Variants in SAMSN1 observed in about 807,000 individuals in gnomAD.
SAMSN1 encodes the protein SAM domain-containing protein SAMSN-1.
SAMSN1 carries 31 observed loss-of-function variants against 42.0 expected under a neutral mutation model. The observed-to-expected ratio is 0.74, with a 90% CI of 0.55 to 1.00. The LOEUF (loss-of-function observed/expected upper bound fraction) is 1.00, where lower values mean the gene tolerates loss of function less well. SAMSN1 is among the 50% of genes least tolerant of loss of function. The probability of loss-of-function intolerance (pLI) is 0.00; values close to 1 mark genes in which losing one functional copy is unlikely to be tolerated. For missense variants in SAMSN1, 464 were observed against 439.4 expected (o/e 1.06, Z -0.50); for synonymous variants, 178 against 151.9 (o/e 1.17, Z -1.26).
At chr21:14,605,429 G>C (rs1305663901) in intron 5 of SAMSN1, among the ~76,000 whole-genome samples, 1 of 152,144 alleles carries the variant, frequency 6.6e-6, no homozygotes, top group African/African-American at 2.4e-5. Flanking sequence ...ATGTAGTCTA[G>C]TTTGGCCAGA....
intron 1 of SAMSN1, among the ~76,000 whole-genome samples, chr21:14,544,086 GTT>G (rs1394403362): frequency 6.6e-6 from 1 of 152,162 alleles, no homozygotes; most frequent in Non-Finnish European, 1.5e-5. Flanking sequence ...GTCTTGCTCT[GTT>G]GCCCAGGCTG....
Position 14,655,679 on chromosome 21 carries a change from T to A in SAMSN1, c.24+3069A>T, listed in dbSNP as rs558532218. The stretch of plus-strand genomic sequence containing the variant: ...CCTGAGTAGAGTTATTTAAAAAAAA[T>A]TTCCTCATGAAGACTGAATTATAAA... On this transcript the variant is annotated intron_variant, in intron 1 of 15. Transcript: ENST00000647101. Among the ~76,000 whole-genome samples, 35 of 151,836 alleles carry A rather than the reference T, an allele frequency of 2.3e-4. 1 individual carries two copies. Among genetic ancestry groups the A allele is most frequent in the Non-Finnish European group, 3.1e-4 (21 of 67,776 alleles).
At chr21:14,529,202 AC>A (rs1568789844) in intron 1 of SAMSN1, among the ~76,000 whole-genome samples, 6 of 152,072 alleles carry the variant, frequency 3.9e-5, no homozygotes, top group Admixed American at 2.0e-4. Flanking sequence ...TATTCCACCT[AC>A]TCAAACCCAG....
chr21:14,561,417 T>C (rs373157336), intron 2 of SAMSN1, among the ~76,000 whole-genome samples: 20 of 152,242 alleles, frequency 1.3e-4, no homozygotes, highest in African/African-American at 4.6e-4. Flanking sequence ...ATAGTTTCAG[T>C]GGATTTATGC....
intron 2 of SAMSN1, among the ~76,000 whole-genome samples, chr21:14,520,370 T>C (rs547787733): frequency 1.3e-5 from 2 of 152,332 alleles, no homozygotes; most frequent in East Asian, 1.9e-4. Flanking sequence ...ATTTTATATA[T>C]ATCTATCAAA....
At chr21:14,645,612 A>G (rs1344340627) in intron 1 of SAMSN1, among the ~76,000 whole-genome samples, 1 of 152,232 alleles carries the variant, frequency 6.6e-6, no homozygotes, top group Non-Finnish European at 1.5e-5. Context: ...ACACCGAAGA[A>G]CATCTACTAG....
At chr21:14,622,788 T>G (rs1008389920) in intron 2 of SAMSN1, among the ~76,000 whole-genome samples, 1 of 152,054 alleles carries the variant, frequency 6.6e-6, no homozygotes. Context: ...AGATACTCCT[T>G]GAGAAGAGCA....
chr21:14,593,980 T>G lies in SAMSN1; in HGVS notation c.465+33A>C, dbSNP rs1361923556. On this transcript the variant is annotated intron_variant, in intron 7 of 15. Transcript: ENST00000647101. ...AGTGGAAAAGAGATGGGAAATCCACTTAAATAGTTACATCTGGGAAGAAAT... is the reference window on the plus strand; with the variant it reads ...AGTGGAAAAGAGATGGGAAATCCACGTAAATAGTTACATCTGGGAAGAAAT... 4.2e-6 allele frequency: 3 copies of G among 714,800 alleles called. No homozygotes were observed. The African/African-American group carries it at 5.3e-5, about 13-fold the overall frequency. The allele number at this position is 714,800 out of a possible 1,614,324, so 44.3% of individuals were successfully genotyped here. A position where few individuals can be genotyped will look rare whatever the true frequency, so the allele number is the denominator to read the frequency against.
rs1263528108 is a variant in SAMSN1, at chr21:14,517,930, A to G, written c.130-889T>C. On this transcript the variant is annotated intron_variant, in intron 2 of 7. Transcript: ENST00000400566. ...TCGCTCACTAGATCAGTGGTTCTCAAAATATGATCCCTGGACCAGCGGCAT... is the reference window on the plus strand; with the variant it reads ...TCGCTCACTAGATCAGTGGTTCTCAGAATATGATCCCTGGACCAGCGGCAT... Among the ~76,000 whole-genome samples, 5 of 152,198 alleles carry G rather than the reference A, an allele frequency of 3.3e-5. No homozygotes were observed. The East Asian group carries it at 9.6e-4, about 29-fold the overall frequency.
chr21:14,612,543 G>T (rs1292581), intron 4 of SAMSN1: 49,694 of 459,906 alleles, frequency 0.11, 2,982 homozygotes, highest in African/African-American at 0.17. Context: ...TAGATTCACA[G>T]ATCTAAAATG....
chr21:14,611,862 T>A (rs1982716595), intron 4 of SAMSN1, among the ~76,000 whole-genome samples: 1 of 151,922 alleles, frequency 6.6e-6, no homozygotes, highest in Admixed American at 6.6e-5. Context: ...AAGAATGAAA[T>A]GAGTATGAGC....
intron 2 of SAMSN1, among the ~76,000 whole-genome samples, chr21:14,636,843 G>A (rs950005720): frequency 4.6e-5 from 7 of 151,992 alleles, no homozygotes; most frequent in Admixed American, 6.6e-5. Flanking sequence ...CAGCCTGGGC[G>A]ACAGAGCGAG....
intron 7 of SAMSN1, among the ~76,000 whole-genome samples, chr21:14,488,158 G>A (rs1230927373): frequency 1.3e-5 from 2 of 152,128 alleles, no homozygotes; most frequent in African/African-American, 2.4e-5. Context: ...AGAGGAATTA[G>A]TGCTTTTGTA....
upstream of SAMSN1, among the ~76,000 whole-genome samples, chr21:14,546,801 C>T (rs190695499): frequency 2.6e-5 from 4 of 152,068 alleles, no homozygotes. Context: ...CCTCCACCTC[C>T]CGGGTTCAAG....
chr21:14,525,961 T>C (rs1978823665), intron 1 of SAMSN1, among the ~76,000 whole-genome samples: 1 of 152,104 alleles, frequency 6.6e-6, no homozygotes, highest in South Asian at 2.1e-4. Flanking sequence ...ACCTCCTGGA[T>C]TGAAGCGATT....
intron 2 of SAMSN1, among the ~76,000 whole-genome samples, chr21:14,580,234 G>A (rs181456895): frequency 6.6e-6 from 1 of 152,318 alleles, no homozygotes; most frequent in Non-Finnish European, 1.5e-5. Flanking sequence ...TTTAGGAATA[G>A]CAAATCATTC....
chr21:14,549,904 A>G (rs967437480), upstream of SAMSN1, among the ~76,000 whole-genome samples: 1 of 151,312 alleles, frequency 6.6e-6, no homozygotes. Context: ...TTGGGGTTTC[A>G]CGGAAGTGGA....
chr21:14,543,343 G>A (rs1980164710), intron 1 of SAMSN1, among the ~76,000 whole-genome samples: 1 of 152,166 alleles, frequency 6.6e-6, no homozygotes, highest in East Asian at 1.9e-4. Flanking sequence ...GGATGAAAAA[G>A]AGGGTACACT....
intron 2 of SAMSN1, among the ~76,000 whole-genome samples, chr21:14,557,314 T>G (rs183763980): frequency 3.9e-5 from 6 of 152,336 alleles, no homozygotes; most frequent in Non-Finnish European, 8.8e-5. Context: ...ATGAGATTAT[T>G]GTTGGGATTA....
Sources: gnomAD v4.1 joint callset for allele counts (sites outside exome capture counted in the v4.1 genomes callset) on GRCh38, gnomAD v4.1.1 for gene constraint, MANE v1.5 for transcripts, NCBI Gene and HGNC (gene_info 2026-07-23, HGNC 2026-07-21) for gene names.